CEP192: variants seen among roughly 807,000 people sequenced by gnomAD.
CEP192 encodes the protein centrosomal protein 192.
In CEP192, 151 loss-of-function variants were observed where a neutral mutation model predicts 271.8. That is an observed-to-expected ratio of 0.56 (90% CI 0.49 to 0.64). The LOEUF (loss-of-function observed/expected upper bound fraction) is 0.64. CEP192 is among the 30% of genes least tolerant of loss of function. The pLI, the probability that CEP192 is intolerant of heterozygous loss-of-function variation, is 0.00. For missense variants in CEP192, 2,910 were observed against 3,020.5 expected (o/e 0.96, Z 0.86); for synonymous variants, 995 against 1,076.5 (o/e 0.92, Z 1.48).
chr18:13,087,414 C>T, intron 31 of CEP192, 117 bp from the exon 32 acceptor site: 3 of 940,786 alleles, frequency 3.2e-6, no homozygotes, highest in Non-Finnish European at 4.7e-6. Context: ...CTTGGAAATG[C>T]CATGCGTATG....
At chr18:13,102,123 C>G (rs976922206) in intron 38 of CEP192, among the ~76,000 whole-genome samples, 1 of 152,144 alleles carries the variant, frequency 6.6e-6, no homozygotes, top group Non-Finnish European at 1.5e-5. Flanking sequence ...GTGTGTCCTG[C>G]AGCTCCTGCC....
intron 30 of CEP192, among the ~76,000 whole-genome samples, chr18:13,081,557 T>C (rs2038609377): frequency 6.6e-6 from 1 of 152,222 alleles, no homozygotes; most frequent in South Asian, 2.1e-4. Flanking sequence ...TAGCAGTCTA[T>C]CAATTTTGTT....
chr18:13,093,762 A>G (rs1425369718), intron 34 of CEP192, among the ~76,000 whole-genome samples: 1 of 152,248 alleles, frequency 6.6e-6, no homozygotes, highest in Non-Finnish European at 1.5e-5. Flanking sequence ...AAATAACTGC[A>G]TCCCATAAAA....
chr18:13,073,767 G>T (rs1308879640), intron 30 of CEP192, among the ~76,000 whole-genome samples: 2 of 152,222 alleles, frequency 1.3e-5, no homozygotes, highest in Non-Finnish European at 2.9e-5. Flanking sequence ...CCAAGCCCGT[G>T]CATGGGGCTG....
Position 13,106,509 on chromosome 18 carries a change from T to TACCACCACCACCACC in CEP192, c.7047+1443_7047+1457dup, listed in dbSNP as rs761390676. On this transcript the variant is annotated intron_variant, in intron 40 of 44. Coordinates refer to ENST00000506447, the MANE Select transcript of CEP192 (RefSeq NM_032142.4). ...ACTCACCACTGCCATCACCATTTCCTACCACCACCACCACCACCACCACCA... is the reference window on the plus strand; with the variant it reads ...ACTCACCACTGCCATCACCATTTCCTACCACCACCACCACCACCACCACCACCACCACCACCACCA... Among the ~76,000 whole-genome samples the TACCACCACCACCACC allele has an allele frequency of 3.6e-3, 497 of 136,896 alleles. 12 individuals are homozygous for TACCACCACCACCACC. Among genetic ancestry groups the TACCACCACCACCACC allele is most frequent in the African/African-American group, 0.014 (467 of 34,188 alleles). The allele number at this position is 136,896 out of a possible 152,430, so 89.8% of individuals were successfully genotyped here.
At chr18:13,119,537 G>A (rs769882530) in intron 44 of CEP192, among the ~76,000 whole-genome samples, 4 of 152,190 alleles carry the variant, frequency 2.6e-5, no homozygotes, top group Non-Finnish European at 5.9e-5. Flanking sequence ...GAGGTCAGGA[G>A]TTTGGACCAG....
chr18:13,015,900 C>T (rs2034619124), intron 6 of CEP192, among the ~76,000 whole-genome samples: 1 of 152,066 alleles, frequency 6.6e-6, no homozygotes, highest in Non-Finnish European at 1.5e-5. Flanking sequence ...TGCCCACCAC[C>T]ATGTCTGGCT....
chr18:13,044,400 A>G (rs745462920), intron 15 of CEP192, among the ~76,000 whole-genome samples: 19 of 151,500 alleles, frequency 1.3e-4, no homozygotes, highest in Non-Finnish European at 1.6e-4. Flanking sequence ...TCATCTTTCA[A>G]TTTGATGCAT....
chr18:13,031,748 C>G (rs1029371557), intron 11 of CEP192, among the ~76,000 whole-genome samples: 1 of 152,108 alleles, frequency 6.6e-6, no homozygotes, highest in South Asian at 2.1e-4. Context: ...ATGAGAAACT[C>G]AAACCAAAAG....
chr18:13,082,869 C>G (rs1413285237), intron 30 of CEP192, among the ~76,000 whole-genome samples: 1 of 152,122 alleles, frequency 6.6e-6, no homozygotes, highest in Non-Finnish European at 1.5e-5. Context: ...TTTATTTCTC[C>G]TTCACTTATG....
rs771754454 is a variant in CEP192, at chr18:13,059,140, A to T, written c.4316A>T (p.His1439Leu). The T allele has an allele frequency of 6.2e-7, 1 of 1,613,750 alleles. No homozygotes were observed. Among genetic ancestry groups the T allele is most frequent in the Non-Finnish European group, 8.5e-7 (1 of 1,179,738 alleles). Residue 1439 changes from histidine to leucine, a missense_variant, in exon 21 of 45, where the codon CAT becomes CTT. His to Leu is a moderately conservative substitution (Grantham distance 99). Coordinates refer to ENST00000506447, the MANE Select transcript of CEP192 (RefSeq NM_032142.4). ...VFKNKAIIRP[H>L]ATEEIKVLFI... ...AAGAATAAAGCCATCATAAGACCTCATGCCACAGAAGAGATAAAAGTGCTT... is the reference window on the plus strand; with the variant it reads ...AAGAATAAAGCCATCATAAGACCTCTTGCCACAGAAGAGATAAAAGTGCTT...
chr18:13,065,280 A>G (rs2144322014), intron 21 of CEP192, among the ~76,000 whole-genome samples: 1 of 152,232 alleles, frequency 6.6e-6, no homozygotes, highest in African/African-American at 2.4e-5. Flanking sequence ...CCCAAGTGTA[A>G]TAGCATTCTG....
intron 21 of CEP192, among the ~76,000 whole-genome samples, chr18:13,065,175 GTTTTTTT>G (rs35939555): frequency 1.0e-4 from 15 of 144,118 alleles, no homozygotes; most frequent in Non-Finnish European, 2.3e-4. Flanking sequence ...TCTAATAGTT[GTTTTTTT>G]TTTTTAAACA....
chr18:13,024,045 T>C lies in CEP192; in HGVS notation c.1050+4839T>C, dbSNP rs184001562. 7.2e-5 allele frequency among the ~76,000 whole-genome samples: 11 copies of C among 152,324 alleles called. No homozygotes were observed. The East Asian group carries it at 1.2e-3, about 16-fold the overall frequency. ...AGTGTTGAGTTCAACTGTGTTGTTA[T>C]TGAATTTCTTCTCGCTGGATCTGTT... On this transcript the variant is annotated intron_variant, in intron 9 of 44. Coordinates refer to ENST00000506447, the MANE Select transcript of CEP192 (RefSeq NM_032142.4).
rs117570078 is a variant in CEP192, at chr18:13,102,878, G to A, written c.6872-631G>A. Among the ~76,000 whole-genome samples the A allele has an allele frequency of 3.2e-4, 49 of 152,276 alleles. No homozygotes were observed. In the East Asian group the frequency reaches 7.2e-3, roughly 22 times the overall value. ...TCGGGCCCAGGCATCACACCCTGGC[G>A]CCTGCTTGGCTTCCACATGTGGGCA... is the stretch of plus-strand genomic sequence containing the variant. On this transcript the variant is annotated intron_variant, in intron 38 of 44. Coordinates refer to ENST00000506447, the MANE Select transcript of CEP192 (RefSeq NM_032142.4).
chr18:13,068,733 A>G, intron 24 of CEP192, 119 bp from the exon 25 acceptor site: 1 of 1,005,202 alleles, frequency 9.9e-7, no homozygotes, highest in Non-Finnish European at 1.5e-6. Context: ...TAACTCTTTA[A>G]AAAATCTGCT....
rs1157584716 is a variant in CEP192, at chr18:13,087,622, A to G, written c.5969A>G (p.Glu1990Gly). The stretch of plus-strand genomic sequence containing the variant: ...ACTGTATACTTATTTGGTGGAGATG[A>G]AATTTCAAGACAGCAGTATCGCAGG... ...LSTVYLFGGD[E>G]ISRQQYRRAL... The change falls in exon 32 of 45, where the codon GAA becomes GGA. Residue 1990 changes from glutamate to glycine, a missense_variant. Glu to Gly is a moderately conservative substitution (Grantham distance 98). Coordinates refer to ENST00000506447, the MANE Select transcript of CEP192 (RefSeq NM_032142.4). 1 of 1,565,060 alleles carries G rather than the reference A, an allele frequency of 6.4e-7. No individual in the cohort carries two copies. Among genetic ancestry groups the G allele is most frequent in the East Asian group, 2.3e-5 (1 of 43,472 alleles).
intron 17 of CEP192, among the ~76,000 whole-genome samples, chr18:13,052,240 C>T (rs987099594): frequency 2.0e-5 from 3 of 152,162 alleles, no homozygotes; most frequent in African/African-American, 7.2e-5. Context: ...CGTTGTGTAG[C>T]AGGGACATCT....
At chr18:13,028,690 TTG>T (rs1486585995) in intron 9 of CEP192, among the ~76,000 whole-genome samples, 5 of 152,034 alleles carry the variant, frequency 3.3e-5, no homozygotes, top group African/African-American at 1.2e-4. Context: ...CGGCTAATTT[TTG>T]TATTTTTAGT....
Sources: allele counts gnomAD v4.1 joint callset (sites outside exome capture counted in the v4.1 genomes callset), GRCh38; gene constraint gnomAD v4.1.1; transcripts MANE v1.5; gene names NCBI Gene and HGNC (gene_info 2026-07-23, HGNC 2026-07-21).